The following JOSD1 variants were observed in gnomAD, a reference collection of about 807,000 sequenced individuals.
JOSD1 encodes the protein Josephin domain containing 1, also known as josephin-1.
Under a neutral mutation model 24.3 loss-of-function variants are expected in JOSD1, and 11 were observed. The observed-to-expected ratio is 0.45, with a 90% CI of 0.29 to 0.75. JOSD1 has a LOEUF of 0.75. JOSD1 is among the 30% of genes least tolerant of loss of function. The pLI, the probability that JOSD1 is intolerant of heterozygous loss-of-function variation, is 0.11. For missense variants in JOSD1, 184 were observed against 253.5 expected, an observed-to-expected ratio of 0.73 and a Z score of 1.86; for synonymous variants, 106 against 93.8, an observed-to-expected ratio of 1.13 and a Z score of -0.75.
intron 1 of JOSD1, 46 bp from the exon 2 acceptor site, chr22:38,700,664 A>T: frequency 1.0e-6 from 1 of 980,474 alleles, no homozygotes; most frequent in Non-Finnish European, 1.2e-6. Flanking sequence ...CGGGCGCGGG[A>T]AGTGAGCGGC....
Position 38,699,786 on chromosome 22 carries a change from G to C in JOSD1, c.185+17C>G. The C allele has an allele frequency of 6.2e-7, 1 of 1,612,424 alleles. No individual in the cohort carries two copies. Among genetic ancestry groups the C allele is most frequent in the Non-Finnish European group, 8.5e-7 (1 of 1,178,672 alleles). On this transcript the variant is annotated intron_variant, in intron 2 of 4. Coordinates refer to ENST00000683374, the MANE Select transcript of JOSD1 (RefSeq NM_001360236.2). ...AGAAATATCAGTATCAAGATGCCAA[G>C]GAGAAGGGTCCCCTACCTCTGGAAA...
At chr22:38,695,614 T>G (rs1314039608) in intron 2 of JOSD1, among the ~76,000 whole-genome samples, 1 of 152,026 alleles carries the variant, frequency 6.6e-6, no homozygotes. Flanking sequence ...GCCTAGCTAA[T>G]TTTTAAATTT....
chr22:38,691,144 C>A (rs1004319890), intron 2 of JOSD1, among the ~76,000 whole-genome samples: 1 of 152,110 alleles, frequency 6.6e-6, no homozygotes, highest in African/African-American at 2.4e-5. Flanking sequence ...GTGGGAGTAT[C>A]GCTTGAGCCT....
chr22:38,694,619 C>G (rs1050900578), intron 2 of JOSD1, among the ~76,000 whole-genome samples: 1 of 151,910 alleles, frequency 6.6e-6, no homozygotes, highest in Admixed American at 6.6e-5. Context: ...TCCCAGCACT[C>G]TGGGAGGCCG....
chr22:38,691,241 T>C (rs1487947802), intron 2 of JOSD1, among the ~76,000 whole-genome samples: 1 of 151,094 alleles, frequency 6.6e-6, no homozygotes, highest in Non-Finnish European at 1.5e-5. Context: ...GGCATGTGCC[T>C]ATGGTCCCAG....
At chr22:38,701,000 TG>T, upstream of JOSD1, 3 of 983,788 alleles carry the variant, frequency 3.0e-6, no homozygotes, top group Non-Finnish European at 3.6e-6. Context: ...GCCCGGCGCG[TG>T]CTCCGGAAAC....
chr22:38,696,520 G>A (rs907922875), intron 2 of JOSD1, among the ~76,000 whole-genome samples: 19 of 152,124 alleles, frequency 1.2e-4, no homozygotes, highest in Admixed American at 1.2e-3. Context: ...GATTACATGC[G>A]TGAGCCACCG....
At position 38,700,482 on chromosome 22, in the gene JOSD1, C is replaced by G; in HGVS notation, c.-495G>C. On this transcript the variant is annotated 5_prime_UTR_variant, in exon 2 of 5. The change abolishes the stop of an existing upstream ORF in the 5' untranslated region. Transcript: ENST00000683374. Reference sequence around the variant, plus strand: ...TAAATTTAGCGCACGAGTCGAGTAGCTAGCGCGGGCCGGCAGGCGTGGGAC... The same window carrying G: ...TAAATTTAGCGCACGAGTCGAGTAGGTAGCGCGGGCCGGCAGGCGTGGGAC... 4.1e-6 allele frequency: 4 copies of G among 986,304 alleles called. No individual in the cohort carries two copies. The highest frequency in any genetic ancestry group is 1.7e-5 in the African/African-American group (1 of 57,372). The allele number at this position is 986,304 out of a possible 1,614,324, so 61.1% of individuals were successfully genotyped here. A position where few individuals can be genotyped will look rare whatever the true frequency, so the allele number is the denominator to read the frequency against.
At chr22:38,694,190 A>G (rs1165725969) in intron 2 of JOSD1, among the ~76,000 whole-genome samples, 1 of 152,254 alleles carries the variant, frequency 6.6e-6, no homozygotes, top group African/African-American at 2.4e-5. Flanking sequence ...TTTTAACAGT[A>G]ATCAAGTGGC....
intron 2 of JOSD1, among the ~76,000 whole-genome samples, chr22:38,696,455 G>T (rs2092546714): frequency 6.6e-6 from 1 of 152,106 alleles, no homozygotes; most frequent in South Asian, 2.1e-4. Context: ...GGCCAGGCTG[G>T]TCTCAAACTC....
intron 2 of JOSD1, among the ~76,000 whole-genome samples, chr22:38,695,227 C>CTAGAGGTTAATA (rs2092539988): frequency 6.6e-6 from 1 of 152,150 alleles, no homozygotes; most frequent in South Asian, 2.1e-4. Context: ...ATTCAAGTCT[C>CTAGAGGTTAATA]TAGAGGTTAA....
At chr22:38,690,573 T>C (rs1236211818) in intron 2 of JOSD1, among the ~76,000 whole-genome samples, 1 of 151,994 alleles carries the variant, frequency 6.6e-6, no homozygotes, top group Non-Finnish European at 1.5e-5. Flanking sequence ...CACCTAATTT[T>C]TGTATTTTTA....
intron 2 of JOSD1, among the ~76,000 whole-genome samples, chr22:38,695,982 G>A (rs2092544431): frequency 6.6e-6 from 1 of 152,098 alleles, no homozygotes; most frequent in Non-Finnish European, 1.5e-5. Flanking sequence ...CTTGAACCCA[G>A]AAGGCGGAGG....
intron 2 of JOSD1, among the ~76,000 whole-genome samples, chr22:38,698,755 A>G (rs1479492902): frequency 6.6e-6 from 1 of 152,170 alleles, no homozygotes; most frequent in Non-Finnish European, 1.5e-5. Flanking sequence ...GCAAAGAGAA[A>G]AAAGCTGAAC....
chr22:38,689,260 G>A, intron 3 of JOSD1, 36 bp downstream of exon 3: 2 of 1,613,898 alleles, frequency 1.2e-6, no homozygotes, highest in Non-Finnish European at 1.7e-6. Context: ...CCACAACCGT[G>A]CTGTTCTCCA....
At position 38,700,260 on chromosome 22, in the gene JOSD1, G is replaced by A; in HGVS notation, c.-273C>T. The A allele has an allele frequency of 9.0e-7, 1 of 1,114,064 alleles. No individual in the cohort carries two copies. The highest frequency in any genetic ancestry group is 1.1e-6 in the Non-Finnish European group (1 of 911,374). The allele number at this position is 1,114,064 out of a possible 1,614,324, so 69.0% of individuals were successfully genotyped here. ...CAGAATTTAAAAAAACACATAAAAT[G>A]TAAGACCTTGTTTCCGTTTCCCCAC... On this transcript the variant is annotated 5_prime_UTR_variant, in exon 2 of 5. Coordinates refer to ENST00000683374, the MANE Select transcript of JOSD1 (RefSeq NM_001360236.2).
chr22:38,692,934 G>C (rs995763559), intron 2 of JOSD1, among the ~76,000 whole-genome samples: 1 of 152,062 alleles, frequency 6.6e-6, no homozygotes, highest in Admixed American at 6.6e-5. Flanking sequence ...GCTCCAACAA[G>C]GAAAATGCTG....
upstream of JOSD1, chr22:38,701,047 G>T: frequency 1.1e-6 from 1 of 919,220 alleles, no homozygotes; most frequent in Non-Finnish European, 1.3e-6. Flanking sequence ...CCCAGCCGTG[G>T]CGTCACGCCT....
At chr22:38,701,070 A>T (rs1212394487), upstream of JOSD1, 10 of 805,730 alleles carry the variant, frequency 1.2e-5, no homozygotes, top group African/African-American at 1.9e-4. Flanking sequence ...CGTAAGTCTG[A>T]CGTCATCGGC....
Sources: gnomAD v4.1 joint callset for allele counts (sites outside exome capture counted in the v4.1 genomes callset) on GRCh38, gnomAD v4.1.1 for gene constraint, MANE v1.5 for transcripts, NCBI Gene and HGNC (gene_info 2026-07-23, HGNC 2026-07-21) for gene names.